ACOXL: variants seen among roughly 807,000 people sequenced by gnomAD.
The protein encoded by ACOXL is acyl-CoA oxidase like, also known as acyl-coenzyme A oxidase-like protein.
In ACOXL, 70 loss-of-function variants were observed where a neutral mutation model predicts 71.9. That is an observed-to-expected ratio of 0.97 (90% confidence interval 0.80 to 1.19). The LOEUF is 1.19. Among genes scored for constraint, ACOXL ranks in the 50% most tolerant of loss-of-function variants. The pLI is 0.00. For synonymous variants in ACOXL, 253 were observed against 281.6 expected, an observed-to-expected ratio of 0.90 and a Z score of 1.02; for missense variants, 703 against 736.3, an observed-to-expected ratio of 0.95 and a Z score of 0.52.
intron 10 of ACOXL, among the ~76,000 whole-genome samples, chr2:110,849,574 A>G (rs541040803): frequency 1.3e-5 from 2 of 152,328 alleles, no homozygotes; most frequent in South Asian, 2.1e-4. Flanking sequence ...CCTGGCCAAC[A>G]TGGTGAAACC....
chr2:110,766,127 C>A (rs916757529), intron 1 of ACOXL, among the ~76,000 whole-genome samples: 3 of 152,070 alleles, frequency 2.0e-5, no homozygotes, highest in East Asian at 3.9e-4. Context: ...ATTCCAATGT[C>A]TGATTAATCT....
intron 1 of ACOXL, among the ~76,000 whole-genome samples, chr2:110,765,346 G>C (rs890618594): frequency 2.0e-5 from 3 of 152,060 alleles, no homozygotes; most frequent in African/African-American, 7.2e-5. Flanking sequence ...GAAGTTTTTA[G>C]CTATTATATC....
chr2:110,909,367 A>G (rs2059572714), intron 11 of ACOXL, among the ~76,000 whole-genome samples: 1 of 152,162 alleles, frequency 6.6e-6, no homozygotes, highest in Non-Finnish European at 1.5e-5. Flanking sequence ...CCATAAGTAC[A>G]CCTGGAAATT....
At chr2:111,001,634 AT>A (rs2063634419) in intron 14 of ACOXL, among the ~76,000 whole-genome samples, 2 of 152,232 alleles carry the variant, frequency 1.3e-5, no homozygotes, top group South Asian at 4.2e-4. Flanking sequence ...CATTTTCCTC[AT>A]TTTGGAGTAA....
chr2:110,787,458 C>T (rs1326260190), intron 3 of ACOXL, among the ~76,000 whole-genome samples: 14 of 144,732 alleles, frequency 9.7e-5, no homozygotes, highest in East Asian at 2.1e-4. Context: ...GGCGTGGACC[C>T]GGGAGGCGGA....
At chr2:110,850,298 A>G (rs1692441878) in intron 10 of ACOXL, among the ~76,000 whole-genome samples, 1 of 152,226 alleles carries the variant, frequency 6.6e-6, no homozygotes, top group Non-Finnish European at 1.5e-5. Flanking sequence ...TCTTTGAAAA[A>G]CACTGCAAAG....
At chr2:110,818,569 A>G (rs1296078618) in intron 9 of ACOXL, among the ~76,000 whole-genome samples, 3 of 151,546 alleles carry the variant, frequency 2.0e-5, no homozygotes, top group Non-Finnish European at 2.9e-5. Context: ...ATGTGTATAT[A>G]TATGTATGTA....
At chr2:110,828,104 T>C (rs1573716310) in intron 9 of ACOXL, among the ~76,000 whole-genome samples, 1 of 152,196 alleles carries the variant, frequency 6.6e-6, no homozygotes, top group East Asian at 1.9e-4. Context: ...CCAAGTAGCT[T>C]GGACTACAGG....
intron 16 of ACOXL, among the ~76,000 whole-genome samples, chr2:111,052,725 C>T (rs1225937232): frequency 1.3e-5 from 2 of 152,132 alleles, no homozygotes; most frequent in Admixed American, 6.5e-5. Context: ...TGGTCCCTCT[C>T]GGTCACTACC....
At chr2:110,999,027 A>G (rs1395234134) in intron 14 of ACOXL, among the ~76,000 whole-genome samples, 2 of 152,238 alleles carry the variant, frequency 1.3e-5, no homozygotes, top group Admixed American at 6.5e-5. Context: ...ATATCTGTCA[A>G]AAGGTTGTTA....
intron 11 of ACOXL, among the ~76,000 whole-genome samples, chr2:110,925,519 T>C (rs1183489089): frequency 6.6e-6 from 1 of 152,232 alleles, no homozygotes; most frequent in African/African-American, 2.4e-5. Flanking sequence ...CAAGAACCAA[T>C]TTAGCCTCAA....
chr2:110,774,524 A>G (rs1682395343), intron 2 of ACOXL, among the ~76,000 whole-genome samples: 1 of 152,242 alleles, frequency 6.6e-6, no homozygotes, highest in Admixed American at 6.5e-5. Context: ...ATTTCTATGC[A>G]TTAATAATGA....
At chr2:110,766,911 C>T (rs1038052633) in intron 1 of ACOXL, among the ~76,000 whole-genome samples, 2 of 152,214 alleles carry the variant, frequency 1.3e-5, no homozygotes, top group African/African-American at 4.8e-5. Flanking sequence ...AACTCAGACA[C>T]TCCATCTGCT....
chr2:110,879,054 T>TAA (rs201244854), intron 10 of ACOXL, among the ~76,000 whole-genome samples: 38 of 136,874 alleles, frequency 2.8e-4, no homozygotes, highest in East Asian at 2.3e-3. Flanking sequence ...GAGGCTCCGT[T>TAA]AAAAAAAAAA....
At chr2:110,924,348 T>G (rs1008597519) in intron 11 of ACOXL, among the ~76,000 whole-genome samples, 1 of 152,206 alleles carries the variant, frequency 6.6e-6, no homozygotes. Flanking sequence ...ACTCTTCCTT[T>G]CATGAAACAT....
At chr2:110,858,484 T>C (rs1693539272) in intron 10 of ACOXL, among the ~76,000 whole-genome samples, 1 of 152,250 alleles carries the variant, frequency 6.6e-6, no homozygotes, top group South Asian at 2.1e-4. Context: ...AATAGATTTC[T>C]GGGGTAAGAT....
chr2:110,943,715 C>T (rs1460784524), intron 12 of ACOXL, among the ~76,000 whole-genome samples: 1 of 152,180 alleles, frequency 6.6e-6, no homozygotes, highest in Non-Finnish European at 1.5e-5. Flanking sequence ...ATACCCCAAA[C>T]CTGACCTTCC....
At chr2:110,983,029 G>GT (rs1193931153) in intron 12 of ACOXL, among the ~76,000 whole-genome samples, 2 of 152,204 alleles carry the variant, frequency 1.3e-5, no homozygotes, top group Non-Finnish European at 2.9e-5. Context: ...GCCCAGTGCC[G>GT]TAAGTACTGC....
chr2:110,792,973 A>C (rs1684826513), intron 3 of ACOXL, among the ~76,000 whole-genome samples: 1 of 152,152 alleles, frequency 6.6e-6, no homozygotes, highest in African/African-American at 2.4e-5. Flanking sequence ...TCCCTCTATG[A>C]ATCCCAATTT....
Sources: allele counts gnomAD v4.1 joint callset (sites outside exome capture counted in the v4.1 genomes callset), GRCh38; gene constraint gnomAD v4.1.1; transcripts MANE v1.5; gene names NCBI Gene and HGNC (gene_info 2026-07-23, HGNC 2026-07-21).